The following PCCA variants were observed in gnomAD, a reference collection of about 807,000 sequenced individuals.
The protein encoded by PCCA is propionyl-CoA carboxylase subunit alpha.
A neutral mutation model predicts 101.3 loss-of-function variants in PCCA; 74 were observed. That is an observed-to-expected ratio of 0.73 (90% CI 0.61 to 0.89). The LOEUF (loss-of-function observed/expected upper bound fraction) is 0.89. PCCA is among the 40% of genes least tolerant of loss of function. PCCA has a pLI of 0.00. For missense variants in PCCA, 891 were observed against 907.0 expected, an observed-to-expected ratio of 0.98 and a Z score of 0.23; for synonymous variants, 294 against 313.6, an observed-to-expected ratio of 0.94 and a Z score of 0.66.
intron 19 of PCCA, among the ~76,000 whole-genome samples, chr13:100,399,622 A>G (rs1040309560): frequency 1.3e-5 from 2 of 152,204 alleles, no homozygotes; most frequent in African/African-American, 4.8e-5. Flanking sequence ...TAATTGGCAT[A>G]GTTGTTGGCA....
At chr13:100,499,931 G>T (rs2255870) in intron 21 of PCCA, among the ~76,000 whole-genome samples, 129,619 of 152,150 alleles carry the variant, frequency 0.85, 55,758 homozygotes, top group East Asian at 1. Flanking sequence ...AAAATACAAT[G>T]AAATCATGCT....
intron 22 of PCCA, among the ~76,000 whole-genome samples, chr13:100,519,193 A>C (rs2087050411): frequency 6.6e-6 from 1 of 152,240 alleles, no homozygotes; most frequent in Non-Finnish European, 1.5e-5. Context: ...CATTTAATAC[A>C]CCAAACAAAT....
At chr13:100,260,650 G>A (rs1442726283) in intron 9 of PCCA, among the ~76,000 whole-genome samples, 2 of 152,022 alleles carry the variant, frequency 1.3e-5, no homozygotes, top group African/African-American at 4.8e-5. Context: ...ACCCGCCTCA[G>A]CCTCCCAAAG....
At chr13:100,181,379 C>T (rs949024338) in intron 6 of PCCA, among the ~76,000 whole-genome samples, 1 of 152,076 alleles carries the variant, frequency 6.6e-6, no homozygotes, top group East Asian at 1.9e-4. Flanking sequence ...CTTGCCTTTC[C>T]AGGAAACTCA....
At chr13:100,529,811 C>T (rs760339756) in intron 23 of PCCA, among the ~76,000 whole-genome samples, 2 of 152,150 alleles carry the variant, frequency 1.3e-5, no homozygotes, top group Non-Finnish European at 2.9e-5. Context: ...AGAGCGCAGG[C>T]CACAGCGCAA....
At chr13:100,406,057 G>A (rs1452776648) in intron 19 of PCCA, among the ~76,000 whole-genome samples, 15 of 151,930 alleles carry the variant, frequency 9.9e-5, no homozygotes, top group Non-Finnish European at 1.8e-4. Flanking sequence ...GAGCCACTGC[G>A]CCCCACCAGA....
At chr13:100,228,274 C>T (rs2152508743) in intron 7 of PCCA, among the ~76,000 whole-genome samples, 1 of 152,274 alleles carries the variant, frequency 6.6e-6, no homozygotes, top group African/African-American at 2.4e-5. Flanking sequence ...CCTCAGCCTC[C>T]CAGAGTGCTG....
chr13:100,524,694 A>G (rs566283226), intron 22 of PCCA, among the ~76,000 whole-genome samples: 1 of 152,260 alleles, frequency 6.6e-6, no homozygotes, highest in East Asian at 1.9e-4. Context: ...CAATGTGGTA[A>G]TACCCTATCT....
chr13:100,251,300 C>T (rs545338663), intron 8 of PCCA, among the ~76,000 whole-genome samples: 3 of 152,218 alleles, frequency 2.0e-5, no homozygotes, highest in South Asian at 4.2e-4. Context: ...ATTCAAAGGA[C>T]CATTGTTATA....
chr13:100,283,403 A>C, intron 12 of PCCA, among the ~76,000 whole-genome samples: 1 of 152,192 alleles, frequency 6.6e-6, no homozygotes, highest in East Asian at 1.9e-4. Flanking sequence ...AAGGAGAATT[A>C]GAAAAAAACC....
chr13:100,403,329 T>A (rs2077478968), intron 19 of PCCA, among the ~76,000 whole-genome samples: 1 of 152,204 alleles, frequency 6.6e-6, no homozygotes, highest in South Asian at 2.1e-4. Flanking sequence ...AGGCCGTTTC[T>A]CACACTGCTG....
chr13:100,341,957 G>GTGTATATATATATA (rs371378776), intron 18 of PCCA, among the ~76,000 whole-genome samples: 3 of 107,146 alleles, frequency 2.8e-5, no homozygotes, highest in African/African-American at 1.3e-4. Flanking sequence ...ACCCTTCAAA[G>GTGTATATATATATA]TATATATATA....
At chr13:100,186,937 A>G (rs2057330309) in intron 6 of PCCA, among the ~76,000 whole-genome samples, 1 of 152,198 alleles carries the variant, frequency 6.6e-6, no homozygotes, top group South Asian at 2.1e-4. Context: ...TCAGAATTCA[A>G]AATTTTCAAT....
chr13:100,425,686 G>C lies in PCCA; in HGVS notation c.1800G>C (p.Ser600=), dbSNP rs761681712. 1 of 1,614,136 alleles carries C rather than the reference G, an allele frequency of 6.2e-7. No homozygotes were observed. The highest frequency in any genetic ancestry group is 1.3e-5 in the African/African-American group (1 of 75,054). ...LNVTSTWNLA[S]PLLSVSVDGT... ...TGACCAGCACGTGGAACCTGGCTTC[G>C]CCCTTATTGTCTGTCAGCGTTGATG... Residue 600 remains serine (S), a synonymous_variant, in exon 20 of 24, where the codon TCG becomes TCC. Coordinates refer to ENST00000376285, the MANE Select transcript of PCCA (RefSeq NM_000282.4).
intron 12 of PCCA, among the ~76,000 whole-genome samples, chr13:100,298,759 C>G (rs535505253): frequency 7.2e-6 from 1 of 138,912 alleles, no homozygotes; most frequent in Non-Finnish European, 1.5e-5. Flanking sequence ...TCCTTCCGTC[C>G]TTTTGTTCCT....
chr13:100,264,174 T>TATATATGTGATATCTGTATATC (rs199788480), intron 10 of PCCA, among the ~76,000 whole-genome samples: 1 of 114,234 alleles, frequency 8.8e-6, no homozygotes, highest in Non-Finnish European at 2.0e-5. Context: ...CTGTATATCG[T>TATATATGTGATATCTGTATATC]ATATATGTGA....
intron 21 of PCCA, among the ~76,000 whole-genome samples, chr13:100,452,037 TTTCCTCCTCTTCCTCTCTCCTC>T (rs2081347210): frequency 4.3e-5 from 1 of 23,026 alleles, no homozygotes; most frequent in Admixed American, 5.4e-4. Flanking sequence ...CCCTCTCTCC[TTTCCTCCTCTTCCTCTCTCCTC>T]TTCCTCCTCT....
At chr13:100,383,843 A>T (rs528340949) in intron 19 of PCCA, among the ~76,000 whole-genome samples, 1 of 152,316 alleles carries the variant, frequency 6.6e-6, no homozygotes, top group African/African-American at 2.4e-5. Flanking sequence ...AATAGAAAAT[A>T]ATAACTACAT....
chr13:100,488,664 TG>T (rs2084624048), intron 21 of PCCA, among the ~76,000 whole-genome samples: 1 of 149,660 alleles, frequency 6.7e-6, no homozygotes, highest in African/African-American at 2.5e-5. Context: ...TTTAATTAGC[TG>T]GTGTGGTGGT....
Sources: gnomAD v4.1 joint callset for allele counts (sites outside exome capture counted in the v4.1 genomes callset) on GRCh38, gnomAD v4.1.1 for gene constraint, MANE v1.5 for transcripts, NCBI Gene and HGNC (gene_info 2026-07-23, HGNC 2026-07-21) for gene names.